Variants in WDFY3 observed in about 807,000 individuals in gnomAD.
The protein encoded by WDFY3 is WD repeat and FYVE domain containing 3.
In WDFY3, 66 loss-of-function variants were observed where a neutral mutation model predicts 409.6. The ratio of observed to expected loss-of-function variants is 0.16; its 90% confidence interval spans 0.13 to 0.20. WDFY3 has a LOEUF of 0.20. Among genes scored for constraint, WDFY3 ranks in the 10% least tolerant of loss-of-function variants. The pLI is 1.00. For synonymous variants in WDFY3, 1,521 were observed against 1,537.1 expected (o/e 0.99, Z 0.25); for missense variants, 3,031 against 4,298.1 (o/e 0.71, Z 8.24).
intron 67 of WDFY3, 142 bp downstream of exon 67, chr4:84,677,057 C>T: frequency 1.1e-6 from 1 of 925,600 alleles, no homozygotes; most frequent in Non-Finnish European, 1.5e-6. Flanking sequence ...TAAAGAAGAA[C>T]AGAAAAAGTG....
At chr4:84,860,758 G>T in intron 3 of WDFY3, 136 bp from the exon 4 acceptor site, 1 of 853,582 alleles carries the variant, frequency 1.2e-6, no homozygotes, top group Non-Finnish European at 1.6e-6. Flanking sequence ...TCTTTAAACA[G>T]AAAAGACAGA....
At chr4:84,735,695 A>C (rs1737325152) in intron 42 of WDFY3, among the ~76,000 whole-genome samples, 1 of 152,136 alleles carries the variant, frequency 6.6e-6, no homozygotes, top group Non-Finnish European at 1.5e-5. Context: ...GACACATACT[A>C]TTTCTCTCAG....
chr4:84,774,746 A>G, intron 29 of WDFY3, 74 bp downstream of exon 29: 1 of 1,461,866 alleles, frequency 6.8e-7, no homozygotes, highest in Non-Finnish European at 9.2e-7. Context: ...AACCAATTAA[A>G]TTCATCTCAT....
At chr4:84,883,920 CG>C (rs1763865869) in intron 3 of WDFY3, among the ~76,000 whole-genome samples, 1 of 151,934 alleles carries the variant, frequency 6.6e-6, no homozygotes, top group Non-Finnish European at 1.5e-5. Context: ...AAAAAGCAGA[CG>C]TAACGTTCTA....
intron 32 of WDFY3, among the ~76,000 whole-genome samples, 153 bp from the exon 33 acceptor site, chr4:84,757,314 T>G (rs1314573504): frequency 6.6e-6 from 1 of 152,220 alleles, no homozygotes; most frequent in Non-Finnish European, 1.5e-5. Context: ...GTTGAATTAA[T>G]CTTCAGTTAA....
At position 84,720,075 on chromosome 4, in the gene WDFY3, T is replaced by C. The variant is rs115934378; in HGVS notation, c.7605+1334A>G. ...TTCATTCCCTTGTTTATTAAACCAA[T>C]CATTCCTTCATTCAAAGGTTTACTG... On this transcript the variant is annotated intron_variant, in intron 47 of 67. Coordinates refer to ENST00000295888, the MANE Select transcript of WDFY3 (RefSeq NM_014991.6). Among the ~76,000 whole-genome samples, 454 of 152,322 alleles carry C rather than the reference T, an allele frequency of 3.0e-3. 3 individuals are homozygous for C. The highest frequency in any genetic ancestry group is 0.01 in the African/African-American group (436 of 41,580).
intron 30 of WDFY3, 129 bp downstream of exon 30, chr4:84,772,706 A>C (rs1744878414): frequency 5.4e-6 from 4 of 744,148 alleles, no homozygotes; most frequent in Non-Finnish European, 8.5e-6. Context: ...CCAAAAACGT[A>C]ATGTAAGGAG....
chr4:84,702,703 T>G (rs1465341789), intron 55 of WDFY3, among the ~76,000 whole-genome samples, 197 bp from the exon 56 acceptor site: 1 of 152,222 alleles, frequency 6.6e-6, no homozygotes, highest in African/African-American at 2.4e-5. Flanking sequence ...GAGGGTTCTC[T>G]CTGCATTTGT....
intron 3 of WDFY3, among the ~76,000 whole-genome samples, chr4:84,895,728 G>A (rs1367681226): frequency 6.6e-6 from 1 of 152,144 alleles, no homozygotes; most frequent in Non-Finnish European, 1.5e-5. Context: ...TGCCAGTAGA[G>A]GTAAGGGTGG....
intron 54 of WDFY3, 87 bp from the exon 55 acceptor site, chr4:84,704,531 GCCTATGTGATAA>G: frequency 1.8e-6 from 2 of 1,100,976 alleles, no homozygotes; most frequent in Middle Eastern, 2.4e-4. Flanking sequence ...GAAAATGCTA[GCCTATGTGATAA>G]CTGTAACACT....
In WDFY3 at chr4:84,691,611, A is replaced by T; in HGVS notation, c.9204+20T>A. 1 of 1,611,308 alleles carries T rather than the reference A, an allele frequency of 6.2e-7. No individual in the cohort carries two copies. Among genetic ancestry groups the T allele is most frequent in the South Asian group, 1.1e-5 (1 of 90,846 alleles). ...CACAAAAGAGCAATATTAAATGAGT[A>T]GGCAGGAAATAATGCAAACCTTGTC... On this transcript the variant is annotated intron_variant, in intron 60 of 67. Coordinates refer to ENST00000295888, the MANE Select transcript of WDFY3 (RefSeq NM_014991.6).
Position 84,678,951 on chromosome 4 carries a change from A to G in WDFY3, c.10115T>C (p.Ile3372Thr), listed in dbSNP as rs764273833. Residue 3372 changes from isoleucine to threonine, a missense_variant, in exon 65 of 68, where the codon ATT (isoleucine) becomes ACT (threonine). By Grantham distance (89) the Ile-to-Thr change is moderately conservative (BLOSUM62 -1). Transcript: ENST00000295888. ...GPLSHPHPNP[I>T]EVRNYSRLKP... ...CAATCTGCTGTAATTCCGCACCTCA[A>G]TGGGATTGGGGTGGGGGTGGCTAAG... The G allele has an allele frequency of 2.4e-5, 38 of 1,613,704 alleles. No homozygotes were observed. The highest frequency in any genetic ancestry group is 5.3e-5 in the African/African-American group (4 of 75,014).
chr4:84,824,587 G>A (rs1217283239), intron 10 of WDFY3, among the ~76,000 whole-genome samples: 1 of 152,154 alleles, frequency 6.6e-6, no homozygotes, highest in Non-Finnish European at 1.5e-5. Context: ...CCAGGGCAAG[G>A]GTTAAGGTGG....
chr4:84,692,036 G>C (rs1729353120), intron 59 of WDFY3, among the ~76,000 whole-genome samples: 1 of 152,190 alleles, frequency 6.6e-6, no homozygotes, highest in South Asian at 2.1e-4. Flanking sequence ...TCTGGTTTGG[G>C]TACTACCATT....
chr4:84,938,380 A>G (rs1771704546), intron 1 of WDFY3, among the ~76,000 whole-genome samples: 1 of 152,200 alleles, frequency 6.6e-6, no homozygotes, highest in African/African-American at 2.4e-5. Context: ...AAAATATTTT[A>G]TTAGACATTG....
At chr4:84,768,092 T>C (rs1329092529) in intron 30 of WDFY3, among the ~76,000 whole-genome samples, 4 of 151,440 alleles carry the variant, frequency 2.6e-5, no homozygotes, top group South Asian at 4.2e-4. Flanking sequence ...CAAAAACAAA[T>C]AGACAAAAAG....
intron 13 of WDFY3, among the ~76,000 whole-genome samples, chr4:84,815,474 A>G (rs1303227779): frequency 6.6e-6 from 1 of 152,182 alleles, no homozygotes; most frequent in Admixed American, 6.6e-5. Context: ...AAATCCCAAT[A>G]ATATCCTCCA....
At chr4:84,949,163 G>A (rs1031798922) in intron 1 of WDFY3, among the ~76,000 whole-genome samples, 1 of 151,950 alleles carries the variant, frequency 6.6e-6, no homozygotes, top group Admixed American at 6.6e-5. Context: ...TCTACAACTT[G>A]GCCATGTGCT....
chr4:84,924,121 C>A (rs1018104448), intron 2 of WDFY3, among the ~76,000 whole-genome samples: 1 of 152,150 alleles, frequency 6.6e-6, no homozygotes. Context: ...TGATTTAGGG[C>A]ACAGCCCTAA....
Sources: gnomAD v4.1 joint callset for allele counts (sites outside exome capture counted in the v4.1 genomes callset) on GRCh38, gnomAD v4.1.1 for gene constraint, MANE v1.5 for transcripts, NCBI Gene and HGNC (gene_info 2026-07-23, HGNC 2026-07-21) for gene names.